Variants in KIF21A observed in about 807,000 individuals in gnomAD.
KIF21A encodes kinesin family member 21A.
KIF21A carries 114 observed loss-of-function variants against 202.9 expected under a neutral mutation model. That is an observed-to-expected ratio of 0.56 (90% CI 0.48 to 0.66). KIF21A has a LOEUF of 0.66. KIF21A is among the 30% of genes least tolerant of loss of function. The probability of loss-of-function intolerance (pLI) is 0.00; values close to 1 mark genes in which losing one functional copy is unlikely to be tolerated. For synonymous variants in KIF21A, 667 were observed against 670.8 expected, an observed-to-expected ratio of 0.99 and a Z score of 0.09; for missense variants, 1,677 against 1,994.9, an observed-to-expected ratio of 0.84 and a Z score of 3.04.
intron 7 of KIF21A, among the ~76,000 whole-genome samples, chr12:39,361,288 T>A (rs760303265): frequency 1.3e-5 from 2 of 151,986 alleles, no homozygotes; most frequent in African/African-American, 2.4e-5. Flanking sequence ...CCCGAAAAAA[T>A]TTACACTTGG....
chr12:39,433,245 T>C (rs1191707496), intron 1 of KIF21A, among the ~76,000 whole-genome samples: 10 of 152,202 alleles, frequency 6.6e-5, no homozygotes, highest in Non-Finnish European at 2.9e-5. Flanking sequence ...TTACAAGATA[T>C]ACTTTCTGGT....
chr12:39,320,837 A>C (rs762005966), intron 27 of KIF21A, among the ~76,000 whole-genome samples: 4 of 145,730 alleles, frequency 2.7e-5, no homozygotes, highest in Non-Finnish European at 4.5e-5. Context: ...TGGGAGGCTG[A>C]GGCAGGAGAA....
intron 26 of KIF21A, 101 bp from the exon 27 acceptor site, chr12:39,322,983 T>C: frequency 1.1e-6 from 1 of 871,888 alleles, no homozygotes; most frequent in East Asian, 2.5e-5. Flanking sequence ...GTAAAACATT[T>C]AGCGTGTCTT....
chr12:39,389,179 TACACACACACACACAC>T (rs10632410), intron 1 of KIF21A, among the ~76,000 whole-genome samples: 2 of 142,086 alleles, frequency 1.4e-5, no homozygotes, highest in African/African-American at 5.0e-5. Flanking sequence ...TAAATACACA[TACACACACACACACAC>T]ACACACACAC....
chr12:39,408,390 T>C (rs1161331838), intron 1 of KIF21A, among the ~76,000 whole-genome samples: 3 of 152,120 alleles, frequency 2.0e-5, no homozygotes, highest in Non-Finnish European at 4.4e-5. Context: ...GCTCAACTGC[T>C]GCTCACTTCC....
chr12:39,430,552 G>A (rs1937731605), intron 1 of KIF21A, among the ~76,000 whole-genome samples: 1 of 150,348 alleles, frequency 6.7e-6, no homozygotes, highest in Non-Finnish European at 1.5e-5. Flanking sequence ...GGGGACAAGA[G>A]CAAGACTTCG....
intron 11 of KIF21A, among the ~76,000 whole-genome samples, 160 bp from the exon 12 acceptor site, chr12:39,346,664 G>T (rs1947919819): frequency 6.6e-6 from 1 of 151,836 alleles, no homozygotes; most frequent in South Asian, 2.1e-4. Context: ...ACAGTAAAAA[G>T]GCAATACATT....
chr12:39,442,096 G>A lies in KIF21A; in HGVS notation c.44+831C>T, dbSNP rs562847016. Among the ~76,000 whole-genome samples the A allele has an allele frequency of 1.3e-5, 2 of 152,192 alleles. No homozygotes were observed. Among genetic ancestry groups the A allele is most frequent in the East Asian group, 3.9e-4 (2 of 5,186 alleles). ...ACATCGAATACTCGTGCCTGTCATT[G>A]GCCGAAATATAATTTCAATACTAGG... On this transcript the variant is annotated intron_variant, in intron 1 of 37. Coordinates refer to ENST00000361418, the MANE Select transcript of KIF21A (RefSeq NM_001173464.2). The surrounding 1 kb of genome is among the most constrained non-coding windows in gnomAD (Gnocchi z 5.0).
chr12:39,392,290 G>C (rs1592511555), intron 1 of KIF21A, among the ~76,000 whole-genome samples: 1 of 152,056 alleles, frequency 6.6e-6, no homozygotes, highest in African/African-American at 2.4e-5. Context: ...AGAGTGACAA[G>C]AAGATTGTGA....
chr12:39,362,567 T>G (rs964822942), intron 7 of KIF21A, among the ~76,000 whole-genome samples: 9 of 152,154 alleles, frequency 5.9e-5, no homozygotes, highest in African/African-American at 1.9e-4. Flanking sequence ...TCAGTGATAT[T>G]GGCAAAGTTA....
intron 1 of KIF21A, among the ~76,000 whole-genome samples, chr12:39,415,389 G>A (rs1200808899): frequency 1.3e-5 from 2 of 151,584 alleles, no homozygotes; most frequent in South Asian, 2.1e-4. Context: ...ACAGGCGCCC[G>A]CCACCACGCC....
In KIF21A at chr12:39,315,981, A is replaced by T; in HGVS notation, c.3909-11T>A. 6.3e-7 allele frequency: 1 copy of T among 1,590,494 alleles called. No individual in the cohort carries two copies. The highest frequency in any genetic ancestry group is 8.6e-7 in the Non-Finnish European group (1 of 1,158,780). On this transcript the variant is annotated splice_polypyrimidine_tract_variant and intron_variant, in intron 29 of 37. Transcript: ENST00000361418. Reference sequence around the variant, plus strand: ...TCACTTTCATCAGACCTATAGTGAAAGAGTTAGAATTATGAGAGAAAGAAT... The same window carrying T: ...TCACTTTCATCAGACCTATAGTGAATGAGTTAGAATTATGAGAGAAAGAAT...
At chr12:39,399,328 C>T (rs925646849) in intron 1 of KIF21A, among the ~76,000 whole-genome samples, 11 of 152,110 alleles carry the variant, frequency 7.2e-5, no homozygotes. Context: ...ATGTAAGGGA[C>T]TTGAGCATCC....
At position 39,425,902 on chromosome 12, in the gene KIF21A, G is replaced by A. The variant is rs12425908; in HGVS notation, c.44+17025C>T. Among the ~76,000 whole-genome samples the A allele has an allele frequency of 5.7e-3, 648 of 114,362 alleles. 3 individuals are homozygous for A. Among genetic ancestry groups the A allele is most frequent in the Middle Eastern group, 0.014 (2 of 148 alleles). 75.0% of individuals were successfully genotyped at this position (114,362 alleles called of 152,430 possible). A position where few individuals can be genotyped will look rare whatever the true frequency, so the allele number is the denominator to read the frequency against. On this transcript the variant is annotated intron_variant, in intron 1 of 37. Transcript: ENST00000361418. ...ATAACAAGAGCTAGCTACTCTGAAA[G>A]ATACATCTAACAGAAGTAAGATTAG... is the stretch of plus-strand genomic sequence containing the variant.
chr12:39,387,393 A>G (rs1197265796), intron 1 of KIF21A, among the ~76,000 whole-genome samples: 1 of 152,166 alleles, frequency 6.6e-6, no homozygotes, highest in Admixed American at 6.6e-5. Context: ...GGACATAACC[A>G]GAACCAGGGA....
chr12:39,311,215 T>C (rs919671460), intron 32 of KIF21A, among the ~76,000 whole-genome samples: 2 of 152,050 alleles, frequency 1.3e-5, no homozygotes, highest in African/African-American at 4.8e-5. Flanking sequence ...TCTGTCACCA[T>C]TGTATTCACA....
At chr12:39,301,726 C>A in intron 36 of KIF21A, 47 bp from the exon 37 acceptor site, 1 of 1,473,438 alleles carries the variant, frequency 6.8e-7, no homozygotes, top group Non-Finnish European at 9.5e-7. Context: ...AGCTTCCAAA[C>A]TGACATTTTC....
chr12:39,339,357 A>C (rs572585000), intron 16 of KIF21A, among the ~76,000 whole-genome samples: 25 of 152,234 alleles, frequency 1.6e-4, no homozygotes, highest in African/African-American at 6.0e-4. Context: ...AATTGCCTAG[A>C]GTATTCAGCA....
Position 39,332,932 on chromosome 12 carries a change from C to G in KIF21A, c.2663G>C (p.Arg888Thr), listed in dbSNP as rs781301465. ...TGCCGGCGTTGGTAAGGCCTGGACT[C>G]TCGCCACAGGAATTCTCATTTTCTG... is the stretch of plus-strand genomic sequence containing the variant. ...AQQKMRIPVA[R>T]VQALPTPATN... is the part of the protein sequence containing the mutation. Residue 888 changes from arginine to threonine, a missense_variant, in exon 19 of 38, where the codon AGA becomes ACA. Physicochemically the swap from Arg to Thr is moderately conservative, Grantham distance 71. Transcript: ENST00000361418. 3.1e-6 allele frequency: 5 copies of G among 1,614,040 alleles called. No homozygotes were observed. The highest frequency in any genetic ancestry group is 4.2e-6 in the Non-Finnish European group (5 of 1,180,024).
Sources: gnomAD v4.1 joint callset for allele counts (sites outside exome capture counted in the v4.1 genomes callset) on GRCh38, gnomAD v4.1.1 for gene constraint, Gnocchi (gnomAD v3.1) non-coding constraint, MANE v1.5 for transcripts, NCBI Gene and HGNC (gene_info 2026-07-23, HGNC 2026-07-21) for gene names.